ITSN2: variants seen among roughly 807,000 people sequenced by gnomAD.
ITSN2 encodes intersectin 2.
Under a neutral mutation model 243.7 loss-of-function variants are expected in ITSN2, and 156 were observed. The observed-to-expected ratio is 0.64, with a 90% CI of 0.56 to 0.73. The LOEUF is 0.73. Ranked by LOEUF, ITSN2 falls within the 30% of genes least tolerant of loss-of-function variation. ITSN2 has a pLI of 0.00. For synonymous variants in ITSN2, 703 were observed against 699.9 expected (o/e 1.00, Z -0.07); for missense variants, 1,801 against 1,996.1 (o/e 0.90, Z 1.86).
intron 7 of ITSN2, 146 bp downstream of exon 7, chr2:24,310,138 T>C (rs1683069679): frequency 1.9e-6 from 1 of 524,728 alleles, no homozygotes; most frequent in Admixed American, 2.9e-5. Context: ...TTTATGTGAG[T>C]TGTAAGTAGT....
chr2:24,220,157 C>T (rs1406324219), intron 30 of ITSN2, among the ~76,000 whole-genome samples: 1 of 152,208 alleles, frequency 6.6e-6, no homozygotes, highest in Non-Finnish European at 1.5e-5. Flanking sequence ...GACGCAGCCT[C>T]TGCTCCATTC....
At chr2:24,252,245 A>G in intron 25 of ITSN2, 100 bp downstream of exon 25, 4 of 887,742 alleles carry the variant, frequency 4.5e-6, no homozygotes, top group Non-Finnish European at 6.9e-6. Context: ...CTAAGTATAA[A>G]TCTTGATTAA....
chr2:24,347,724 T>G (rs955875251), intron 1 of ITSN2, among the ~76,000 whole-genome samples: 2 of 13,996 alleles, frequency 1.4e-4, no homozygotes, highest in South Asian at 1.5e-3. Context: ...AAATTTGGGT[T>G]TTCTTTTTTT....
intron 19 of ITSN2, among the ~76,000 whole-genome samples, chr2:24,271,436 G>T (rs1268566492): frequency 6.6e-6 from 1 of 152,068 alleles, no homozygotes; most frequent in African/African-American, 2.4e-5. Flanking sequence ...TTTTACTGTT[G>T]TTTCATTAAA....
At chr2:24,215,811 TA>T (rs369946274) in intron 32 of ITSN2, among the ~76,000 whole-genome samples, 3 of 151,060 alleles carry the variant, frequency 2.0e-5, no homozygotes, top group Non-Finnish European at 4.4e-5. Flanking sequence ...TAAGTATGCT[TA>T]AAAAAAAACA....
At chr2:24,290,582 T>C (rs994551964) in intron 15 of ITSN2, among the ~76,000 whole-genome samples, 1 of 152,224 alleles carries the variant, frequency 6.6e-6, no homozygotes, top group Non-Finnish European at 1.5e-5. Context: ...TTTCCTGTTT[T>C]ATAATAGTTT....
chr2:24,332,747 G>C (rs1685925836), intron 1 of ITSN2, among the ~76,000 whole-genome samples: 1 of 152,132 alleles, frequency 6.6e-6, no homozygotes, highest in African/African-American at 2.4e-5. Flanking sequence ...TATTTGCAGA[G>C]TAGTACTTAA....
intron 1 of ITSN2, among the ~76,000 whole-genome samples, chr2:24,337,976 G>A (rs777977591): frequency 2.0e-5 from 3 of 152,154 alleles, no homozygotes; most frequent in Non-Finnish European, 4.4e-5. Context: ...AAAATTCTAA[G>A]GCCCCCCAAC....
intron 30 of ITSN2, chr2:24,220,519 T>A: frequency 9.9e-7 from 1 of 1,007,060 alleles, no homozygotes; most frequent in Non-Finnish European, 1.2e-6. Context: ...CTTTCACTGT[T>A]TCACAGTTCC....
intron 8 of ITSN2, among the ~76,000 whole-genome samples, chr2:24,308,181 G>A (rs1216784922): frequency 6.6e-6 from 1 of 152,194 alleles, no homozygotes; most frequent in Non-Finnish European, 1.5e-5. Context: ...TCACATTTGG[G>A]TTAGAGCATT....
chr2:24,277,127 T>C (rs983999354), intron 17 of ITSN2, among the ~76,000 whole-genome samples: 19 of 152,130 alleles, frequency 1.2e-4, no homozygotes, highest in Admixed American at 7.2e-4. Flanking sequence ...TTGAACTAGA[T>C]TTCTTTCATT....
intron 5 of ITSN2, among the ~76,000 whole-genome samples, chr2:24,310,968 T>C (rs1443658559): frequency 1.3e-5 from 2 of 152,106 alleles, no homozygotes; most frequent in East Asian, 1.9e-4. Context: ...CCTTTTCCAA[T>C]TGAATATGAG....
At chr2:24,337,315 A>AATATATATATATATAAATAT (rs70944741) in intron 1 of ITSN2, among the ~76,000 whole-genome samples, 4 of 32,020 alleles carry the variant, frequency 1.2e-4, no homozygotes, top group African/African-American at 2.2e-4. Flanking sequence ...GTATACACAA[A>AATATATATATATATAAATAT]ATATATATAT....
Position 24,246,106 on chromosome 2 carries a change from A to T in ITSN2, c.3577+23T>A, listed in dbSNP as rs760824360. ...ATTGAAGTTTCACACTAGGTGAGAG[A>T]AAAATAATTTAATATTACTCACACT... On this transcript the variant is annotated intron_variant, in intron 29 of 39. Transcript: ENST00000355123. 9 of 1,558,026 alleles carry T rather than the reference A, an allele frequency of 5.8e-6. No individual in the cohort carries two copies. In the East Asian group the frequency reaches 1.8e-4, roughly 31 times the overall value.
At chr2:24,258,157 G>T in intron 22 of ITSN2, 64 bp from the exon 23 acceptor site, 1 of 1,188,224 alleles carries the variant, frequency 8.4e-7, no homozygotes. Context: ...CTGTTTCTGT[G>T]TATATAACAT....
chr2:24,290,827 A>G (rs1207193513), intron 15 of ITSN2, among the ~76,000 whole-genome samples: 1 of 152,054 alleles, frequency 6.6e-6, no homozygotes, highest in Non-Finnish European at 1.5e-5. Flanking sequence ...CTACTTTTCT[A>G]TTTCTGATCA....
chr2:24,357,702 C>CA (rs1341907889), intron 1 of ITSN2, among the ~76,000 whole-genome samples: 1 of 151,506 alleles, frequency 6.6e-6, no homozygotes, highest in Non-Finnish European at 1.5e-5. Flanking sequence ...AACTTGAATC[C>CA]AAAAAAAGAA....
chr2:24,350,837 G>T (rs1372515899), intron 1 of ITSN2, among the ~76,000 whole-genome samples: 1 of 152,152 alleles, frequency 6.6e-6, no homozygotes, highest in African/African-American at 2.4e-5. Context: ...GCTACCTAGA[G>T]CTAGCGGTGT....
rs574146488 is a variant in ITSN2, at chr2:24,248,694, C to T, written c.3223G>A (p.Ala1075Thr). 73 of 1,613,066 alleles carry T rather than the reference C, an allele frequency of 4.5e-5. No homozygotes were observed. The South Asian group carries it at 7.7e-4, about 17-fold the overall frequency. Residue 1075 changes from alanine (A) to threonine (T), a missense_variant, in exon 27 of 40, where the codon GCA becomes ACA. By Grantham distance (58) the Ala-to-Thr change is moderately conservative. Transcript: ENST00000355123. ...VASGSEQLSL[A>T]PGQLILILKK... Reference sequence around the variant, plus strand: ...AGAATTAATATTAACTGTCCTGGTGCAAGGCTAAGTTGTTCAGAACCAGAA... The same window carrying T: ...AGAATTAATATTAACTGTCCTGGTGTAAGGCTAAGTTGTTCAGAACCAGAA...
Sources: gnomAD v4.1 joint callset for allele counts (sites outside exome capture counted in the v4.1 genomes callset) on GRCh38, gnomAD v4.1.1 for gene constraint, MANE v1.5 for transcripts, NCBI Gene and HGNC (gene_info 2026-07-23, HGNC 2026-07-21) for gene names.